Variants in FARS2 observed in about 807,000 individuals in gnomAD.
FARS2 encodes the protein phenylalanyl-tRNA synthetase 2, mitochondrial.
A neutral mutation model predicts 46.4 loss-of-function variants in FARS2; 40 were observed. That is an observed-to-expected ratio of 0.86 (90% CI 0.67 to 1.12). The LOEUF (loss-of-function observed/expected upper bound fraction) is 1.12, where lower values mean the gene tolerates loss of function less well. Among genes scored for constraint, FARS2 ranks in the 50% most tolerant of loss-of-function variants. The pLI is 0.00. For synonymous variants in FARS2, 234 were observed against 214.9 expected (o/e 1.09, Z -0.78); for missense variants, 513 against 567.9 (o/e 0.90, Z 0.98).
chr6:5,433,638 G>C (rs983171562), intron 4 of FARS2, among the ~76,000 whole-genome samples: 3 of 152,308 alleles, frequency 2.0e-5, no homozygotes, highest in African/African-American at 7.2e-5. Flanking sequence ...TACTGGGCGT[G>C]AATATGAAAG....
intron 6 of FARS2, among the ~76,000 whole-genome samples, chr6:5,750,033 A>G (rs916872072): frequency 1.3e-5 from 2 of 152,170 alleles, no homozygotes; most frequent in African/African-American, 4.8e-5. Flanking sequence ...CTGTGGGCCA[A>G]ACATCATGCC....
At chr6:5,391,286 A>C (rs769981312) in intron 2 of FARS2, among the ~76,000 whole-genome samples, 8 of 152,248 alleles carry the variant, frequency 5.3e-5, no homozygotes, top group Non-Finnish European at 1.0e-4. Context: ...ATGTCATGGT[A>C]CATGTTATTG....
chr6:5,546,546 A>G (rs566930764), intron 5 of FARS2, among the ~76,000 whole-genome samples: 39 of 151,622 alleles, frequency 2.6e-4, no homozygotes, highest in South Asian at 1.5e-3. Context: ...CACTGCGCCC[A>G]GCCCTCATCT....
intron 6 of FARS2, among the ~76,000 whole-genome samples, chr6:5,669,454 A>T (rs943675532): frequency 1.3e-5 from 2 of 150,396 alleles, no homozygotes; most frequent in Admixed American, 6.7e-5. Flanking sequence ...GTGCCTCAAG[A>T]TAAGGGTAAA....
At chr6:5,314,675 C>T (rs2024998) in intron 1 of FARS2, among the ~76,000 whole-genome samples, 33,959 of 151,976 alleles carry the variant, frequency 0.22, 4,689 homozygotes, top group East Asian at 0.31. Flanking sequence ...ACATCTGTGA[C>T]CTTGATTAAG....
At chr6:5,286,271 C>T (rs533926957) in intron 1 of FARS2, among the ~76,000 whole-genome samples, 2 of 151,736 alleles carry the variant, frequency 1.3e-5, no homozygotes, top group Non-Finnish European at 2.9e-5. Context: ...TAAGTTTTTA[C>T]TTTTTTTTGG....
chr6:5,537,171 C>T (rs988082602), intron 4 of FARS2, among the ~76,000 whole-genome samples: 2 of 152,182 alleles, frequency 1.3e-5, no homozygotes, highest in African/African-American at 2.4e-5. Context: ...CCTGGCCATT[C>T]TCAGCTCTTT....
intron 1 of FARS2, among the ~76,000 whole-genome samples, chr6:5,277,473 TTTTA>T (rs1351949659): frequency 2.0e-5 from 3 of 152,222 alleles, no homozygotes; most frequent in African/African-American, 7.2e-5. Context: ...TACACATTTT[TTTTA>T]TTTACCAGAA....
intron 6 of FARS2, among the ~76,000 whole-genome samples, chr6:5,683,424 T>C (rs1462639279): frequency 3.3e-5 from 5 of 152,094 alleles, no homozygotes; most frequent in Non-Finnish European, 5.9e-5. Flanking sequence ...CTAGCTTTGA[T>C]TCCAGTGTGC....
intron 6 of FARS2, among the ~76,000 whole-genome samples, chr6:5,680,813 A>G (rs1368059287): frequency 1.3e-5 from 2 of 152,006 alleles, no homozygotes; most frequent in African/African-American, 4.8e-5. Flanking sequence ...ATTTGTTCTA[A>G]TAGAAAAATG....
At chr6:5,406,595 C>A (rs143462871) in intron 3 of FARS2, among the ~76,000 whole-genome samples, 2 of 152,244 alleles carry the variant, frequency 1.3e-5, no homozygotes, top group Non-Finnish European at 2.9e-5. Flanking sequence ...TCATCCATAT[C>A]ATAGTGTATA....
intron 5 of FARS2, among the ~76,000 whole-genome samples, chr6:5,555,337 G>A (rs549115300): frequency 1.3e-5 from 2 of 152,178 alleles, no homozygotes; most frequent in East Asian, 3.9e-4. Flanking sequence ...AATACAGTGT[G>A]TAACACTGGT....
intron 5 of FARS2, among the ~76,000 whole-genome samples, chr6:5,606,272 C>T (rs185970071): frequency 1.1e-4 from 16 of 151,932 alleles, no homozygotes; most frequent in Non-Finnish European, 1.6e-4. Context: ...AAAGCTACAC[C>T]GCTTCCAAAC....
intron 1 of FARS2, among the ~76,000 whole-genome samples, chr6:5,264,046 T>C (rs1338096628): frequency 6.6e-6 from 1 of 152,016 alleles, no homozygotes; most frequent in Non-Finnish European, 1.5e-5. Flanking sequence ...ACCCCATCTA[T>C]ACAAAAAATA....
At chr6:5,655,316 A>G (rs989054535) in intron 6 of FARS2, among the ~76,000 whole-genome samples, 2 of 151,432 alleles carry the variant, frequency 1.3e-5, no homozygotes, top group Admixed American at 1.3e-4. Flanking sequence ...AGCATGATTG[A>G]TTTTTTTTTC....
At chr6:5,747,246 C>G (rs1360896020) in intron 6 of FARS2, among the ~76,000 whole-genome samples, 1 of 152,204 alleles carries the variant, frequency 6.6e-6, no homozygotes, top group Non-Finnish European at 1.5e-5. Flanking sequence ...AGGATGGCCT[C>G]TACTCTGGAG....
chr6:5,594,750 C>T (rs1774103575), intron 5 of FARS2, among the ~76,000 whole-genome samples: 1 of 152,138 alleles, frequency 6.6e-6, no homozygotes, highest in African/African-American at 2.4e-5. Flanking sequence ...AGAGGAGGGA[C>T]CCGTGGGGCT....
At chr6:5,543,703 A>G (rs1158834027) in intron 4 of FARS2, among the ~76,000 whole-genome samples, 1 of 152,128 alleles carries the variant, frequency 6.6e-6, no homozygotes, top group Non-Finnish European at 1.5e-5. Flanking sequence ...CAAGGTAGAA[A>G]TGAGAACAAA....
chr6:5,731,645 G>A (rs549172719), intron 6 of FARS2, among the ~76,000 whole-genome samples: 14 of 152,310 alleles, frequency 9.2e-5, no homozygotes, highest in South Asian at 8.3e-4. Flanking sequence ...AAGCCAGGGC[G>A]TATCGTGTAC....
Sources: allele counts gnomAD v4.1 joint callset (sites outside exome capture counted in the v4.1 genomes callset), GRCh38; gene constraint gnomAD v4.1.1; transcripts MANE v1.5; gene names NCBI Gene and HGNC (gene_info 2026-07-23, HGNC 2026-07-21).